Variants in CLSTN2 observed in about 807,000 individuals in gnomAD.
CLSTN2 encodes the protein calsyntenin-2.
Under a neutral mutation model 101.2 loss-of-function variants are expected in CLSTN2, and 48 were observed. That is an observed-to-expected ratio of 0.47 (90% CI 0.38 to 0.60). The LOEUF (loss-of-function observed/expected upper bound fraction) is 0.60. CLSTN2 is among the 20% of genes least tolerant of loss of function. CLSTN2 has a pLI of 0.00. For synonymous variants in CLSTN2, 481 were observed against 463.6 expected, an observed-to-expected ratio of 1.04 and a Z score of -0.48; for missense variants, 1,160 against 1,238.2, an observed-to-expected ratio of 0.94 and a Z score of 0.95.
intron 2 of CLSTN2, among the ~76,000 whole-genome samples, chr3:140,362,652 A>T (rs944449365): frequency 2.0e-5 from 3 of 152,170 alleles, no homozygotes; most frequent in Non-Finnish European, 4.4e-5. Flanking sequence ...AAATGGGAAA[A>T]ATGTTTGAAT....
At chr3:140,184,862 C>G (rs1034308293) in intron 2 of CLSTN2, among the ~76,000 whole-genome samples, 1 of 152,068 alleles carries the variant, frequency 6.6e-6, no homozygotes, top group Non-Finnish European at 1.5e-5. Context: ...TCCTCTTGAT[C>G]CAGAGGCCGA....
At chr3:140,243,514 C>T (rs183938977) in intron 2 of CLSTN2, among the ~76,000 whole-genome samples, 182 of 152,276 alleles carry the variant, frequency 1.2e-3, no homozygotes, top group Admixed American at 5.0e-3. Flanking sequence ...TGCTTGTGCA[C>T]CTATGTGTGC....
chr3:140,214,091 A>G (rs1222643559), intron 2 of CLSTN2, among the ~76,000 whole-genome samples: 2 of 151,858 alleles, frequency 1.3e-5, no homozygotes, highest in African/African-American at 4.8e-5. Flanking sequence ...CCCCAAGTCA[A>G]CTCTACTAGA....
chr3:140,353,982 T>C (rs149009187), intron 2 of CLSTN2, among the ~76,000 whole-genome samples: 1 of 152,286 alleles, frequency 6.6e-6, no homozygotes, highest in East Asian at 1.9e-4. Context: ...AGGCTGAGCC[T>C]ACTGGAAAAT....
At chr3:140,219,497 C>T (rs757136264) in intron 2 of CLSTN2, among the ~76,000 whole-genome samples, 4 of 152,146 alleles carry the variant, frequency 2.6e-5, no homozygotes, top group African/African-American at 7.2e-5. Context: ...TATCTGGGAG[C>T]GATCTTGTTT....
At chr3:140,353,231 G>T (rs1039956612) in intron 2 of CLSTN2, among the ~76,000 whole-genome samples, 4 of 132,474 alleles carry the variant, frequency 3.0e-5, no homozygotes, top group African/African-American at 1.2e-4. Context: ...ATATATATAT[G>T]TATGTTTACA....
intron 2 of CLSTN2, among the ~76,000 whole-genome samples, chr3:140,396,826 C>A (rs976845032): frequency 6.6e-6 from 1 of 152,168 alleles, no homozygotes; most frequent in South Asian, 2.1e-4. Flanking sequence ...GGTGATGGGT[C>A]ATGTTTTTAG....
At chr3:139,968,514 G>A (rs146694631) in intron 1 of CLSTN2, among the ~76,000 whole-genome samples, 7 of 152,276 alleles carry the variant, frequency 4.6e-5, no homozygotes, top group East Asian at 3.9e-4. Flanking sequence ...GCTGCTCCCC[G>A]TTTTGCTCTT....
At chr3:139,981,909 G>T (rs987712759) in intron 1 of CLSTN2, among the ~76,000 whole-genome samples, 1 of 152,150 alleles carries the variant, frequency 6.6e-6, no homozygotes, top group African/African-American at 2.4e-5. Flanking sequence ...TTCCAAGGCT[G>T]CCCCACCCTG....
At chr3:140,513,602 G>T (rs532420) in intron 8 of CLSTN2, among the ~76,000 whole-genome samples, 129,994 of 132,198 alleles carry the variant, frequency 0.98, 63,895 homozygotes, top group Middle Eastern at 0.99. Flanking sequence ...TTTTTTTTTG[G>T]GTGTGTGTCT....
chr3:140,219,731 T>C (rs1269570728), intron 2 of CLSTN2, among the ~76,000 whole-genome samples: 1 of 152,140 alleles, frequency 6.6e-6, no homozygotes, highest in Non-Finnish European at 1.5e-5. Flanking sequence ...CTTAGCAAGG[T>C]AAGTCCCCAA....
At chr3:140,244,661 C>T (rs993728995) in intron 2 of CLSTN2, among the ~76,000 whole-genome samples, 1 of 152,160 alleles carries the variant, frequency 6.6e-6, no homozygotes, top group African/African-American at 2.4e-5. Context: ...AATGGCCTCT[C>T]TCCAAGACCA....
chr3:140,134,302 A>T (rs1227412536), intron 1 of CLSTN2, among the ~76,000 whole-genome samples: 2 of 152,106 alleles, frequency 1.3e-5, no homozygotes, highest in Non-Finnish European at 2.9e-5. Context: ...CATAGAAGAA[A>T]TCTTTCCACT....
At chr3:140,228,829 T>C (rs1006341629) in intron 2 of CLSTN2, among the ~76,000 whole-genome samples, 3 of 152,222 alleles carry the variant, frequency 2.0e-5, no homozygotes, top group African/African-American at 7.2e-5. Context: ...TTAACTATCA[T>C]GAGAACAGAG....
At chr3:140,428,073 C>T (rs1311578071) in intron 5 of CLSTN2, among the ~76,000 whole-genome samples, 3 of 152,164 alleles carry the variant, frequency 2.0e-5, no homozygotes, top group Non-Finnish European at 4.4e-5. Flanking sequence ...TGAGCTTAGC[C>T]ACATGTGCCT....
intron 2 of CLSTN2, among the ~76,000 whole-genome samples, chr3:140,235,021 C>T (rs1280096968): frequency 6.6e-6 from 1 of 152,162 alleles, no homozygotes; most frequent in African/African-American, 2.4e-5. Context: ...GACTTATCTC[C>T]TTGGGTGTTT....
intron 1 of CLSTN2, among the ~76,000 whole-genome samples, chr3:140,112,783 A>G (rs1430457482): frequency 1.3e-5 from 2 of 152,148 alleles, no homozygotes; most frequent in African/African-American, 4.8e-5. Flanking sequence ...AGCTCTAGGC[A>G]AATCCTGCTT....
intron 2 of CLSTN2, among the ~76,000 whole-genome samples, chr3:140,292,773 A>T (rs982025316): frequency 2.0e-5 from 3 of 152,240 alleles, no homozygotes; most frequent in African/African-American, 7.2e-5. Context: ...GGCTGCTGGG[A>T]GAACTACGCA....
intron 2 of CLSTN2, among the ~76,000 whole-genome samples, chr3:140,257,326 G>A (rs762419674): frequency 5.3e-4 from 81 of 152,064 alleles, no homozygotes; most frequent in Non-Finnish European, 1.1e-3. Flanking sequence ...TGACACTGTG[G>A]ACAAGACATA....
Sources: gnomAD v4.1 joint callset for allele counts (sites outside exome capture counted in the v4.1 genomes callset) on GRCh38, gnomAD v4.1.1 for gene constraint, MANE v1.5 for transcripts, NCBI Gene and HGNC (gene_info 2026-07-23, HGNC 2026-07-21) for gene names.